LINGO2: variants seen among roughly 807,000 people sequenced by gnomAD.
The protein encoded by LINGO2 is leucine rich repeat and Ig domain containing 2, also known as leucine-rich repeat and immunoglobulin-like domain-containing nogo receptor-interacting protein 2.
LINGO2 carries 14 observed loss-of-function variants against 30.6 expected under a neutral mutation model. The observed-to-expected ratio is 0.46, with a 90% CI of 0.30 to 0.72. The LOEUF (loss-of-function observed/expected upper bound fraction) is 0.72. Among genes scored for constraint, LINGO2 ranks in the 30% least tolerant of loss-of-function variants. LINGO2 has a pLI of 0.07. For synonymous variants in LINGO2, 317 were observed against 288.5 expected (o/e 1.10, Z -1.00); for missense variants, 729 against 751.7 (o/e 0.97, Z 0.35).
intron 4 of LINGO2, among the ~76,000 whole-genome samples, chr9:28,241,293 G>GAAA (rs1821784923): frequency 2.4e-4 from 12 of 49,040 alleles, no homozygotes; most frequent in Non-Finnish European, 3.7e-4. Flanking sequence ...AAAAAAAAAA[G>GAAA]AAAAAAGAAA....
chr9:28,547,158 G>A (rs375167417), intron 1 of LINGO2, among the ~76,000 whole-genome samples: 3 of 152,160 alleles, frequency 2.0e-5, no homozygotes, highest in South Asian at 4.1e-4. Context: ...CTGAAGTTAC[G>A]TTGTTTACCA....
chr9:28,027,037 C>A (rs1013698589), intron 4 of LINGO2, among the ~76,000 whole-genome samples: 1 of 152,098 alleles, frequency 6.6e-6, no homozygotes, highest in Non-Finnish European at 1.5e-5. Context: ...GGGGCAAGCA[C>A]CATGACATTC....
At chr9:29,061,346 C>T in the LINGO2 span, among the ~76,000 whole-genome samples, 1 of 151,926 alleles carries the variant, frequency 6.6e-6, no homozygotes, top group Non-Finnish European at 1.5e-5. Flanking sequence ...TATTCTAGGA[C>T]TCACATGAAA....
intron 4 of LINGO2, among the ~76,000 whole-genome samples, chr9:28,128,510 C>T (rs1827299699): frequency 6.6e-6 from 1 of 152,130 alleles, no homozygotes; most frequent in Non-Finnish European, 1.5e-5. Flanking sequence ...CGCATGATAC[C>T]ACATGGTTCT....
chr9:29,074,678 CTTTTTTTTTTTTT>C, the LINGO2 span, among the ~76,000 whole-genome samples: 2 of 88,006 alleles, frequency 2.3e-5, no homozygotes, highest in African/African-American at 5.3e-5. Flanking sequence ...AAATTACTTA[CTTTTTTTTTTTTT>C]TTTTTTTTTT....
At chr9:27,996,907 TA>T (rs1302979201) in intron 5 of LINGO2, among the ~76,000 whole-genome samples, 2 of 152,144 alleles carry the variant, frequency 1.3e-5, no homozygotes, top group Non-Finnish European at 2.9e-5. Context: ...GAATAAAAAT[TA>T]AAACACTTAA....
At chr9:28,333,273 A>G (rs929706137) in intron 3 of LINGO2, among the ~76,000 whole-genome samples, 1 of 152,212 alleles carries the variant, frequency 6.6e-6, no homozygotes, top group African/African-American at 2.4e-5. Flanking sequence ...ACTTGATTCA[A>G]TAAAAAATAT....
At chr9:28,544,759 A>G (rs1454613096) in intron 1 of LINGO2, among the ~76,000 whole-genome samples, 1 of 149,344 alleles carries the variant, frequency 6.7e-6, no homozygotes, top group Non-Finnish European at 1.5e-5. Context: ...ATATTATGTT[A>G]TATATTATAT....
the LINGO2 span, among the ~76,000 whole-genome samples, chr9:29,050,433 CA>C: frequency 2.0e-5 from 3 of 152,032 alleles, no homozygotes; most frequent in African/African-American, 7.2e-5. Context: ...AATAAAAAAG[CA>C]AAGATGCACA....
chr9:28,237,027 TGC>T (rs976305769), intron 4 of LINGO2, among the ~76,000 whole-genome samples: 1 of 141,304 alleles, frequency 7.1e-6, no homozygotes, highest in Non-Finnish European at 1.5e-5. Flanking sequence ...TACTATGTAC[TGC>T]AAAAATTAAA....
the LINGO2 span, chr9:27,940,455 G>C: frequency 7.9e-5 from 12 of 152,254 alleles, no homozygotes; most frequent in Non-Finnish European, 1.5e-4. Flanking sequence ...AGAAATAGTA[G>C]GTAAATTTCC....
the LINGO2 span, among the ~76,000 whole-genome samples, chr9:28,940,621 T>C: frequency 1.2e-4 from 19 of 152,150 alleles, no homozygotes; most frequent in Non-Finnish European, 2.1e-4. Flanking sequence ...CTACAGTGGC[T>C]AATAAAAATC....
At chr9:28,886,359 G>C in the LINGO2 span, among the ~76,000 whole-genome samples, 1 of 152,048 alleles carries the variant, frequency 6.6e-6, no homozygotes, top group Non-Finnish European at 1.5e-5. Context: ...AAGCTTTTAT[G>C]GAAGGTCTAA....
the LINGO2 span, among the ~76,000 whole-genome samples, chr9:28,708,022 T>A: frequency 6.6e-6 from 1 of 152,076 alleles, no homozygotes; most frequent in Non-Finnish European, 1.5e-5. Context: ...CCTAATAAAA[T>A]GTTCTCAGTG....
chr9:28,335,303 A>G (rs1156913172), intron 3 of LINGO2, among the ~76,000 whole-genome samples: 1 of 152,170 alleles, frequency 6.6e-6, no homozygotes, highest in African/African-American at 2.4e-5. Flanking sequence ...ATACATTGTC[A>G]TCTAAGAGAA....
chr9:28,345,288 T>G (rs551341055), intron 3 of LINGO2, among the ~76,000 whole-genome samples: 1 of 152,206 alleles, frequency 6.6e-6, no homozygotes, highest in East Asian at 1.9e-4. Context: ...TTCAAGTGGT[T>G]ACTAAGGGCC....
intron 4 of LINGO2, among the ~76,000 whole-genome samples, chr9:28,216,385 G>A (rs1393526352): frequency 6.6e-6 from 1 of 151,846 alleles, no homozygotes; most frequent in Non-Finnish European, 1.5e-5. Context: ...GGGAGGAGTG[G>A]TTGTTAGTAA....
rs560032402 is a variant in LINGO2 at position 28,439,293 on chromosome 9, C to CAT, written c.-279+36645_-279+36646dup. On this transcript the variant is annotated intron_variant, in intron 2 of 5. Transcript: ENST00000379992. ...TATATATGTGTGTGTGTGTGTGTTT[C>CAT]ATATATATATATAATGAAAATGCCC... Among the ~76,000 whole-genome samples the CAT allele has an allele frequency of 1.8e-3, 266 of 149,776 alleles. 4 individuals are homozygous for CAT. Among genetic ancestry groups the CAT allele is most frequent in the South Asian group, 0.011 (51 of 4,744 alleles).
intron 4 of LINGO2, among the ~76,000 whole-genome samples, chr9:28,215,533 C>T (rs574575598): frequency 6.6e-6 from 1 of 151,744 alleles, no homozygotes; most frequent in East Asian, 1.9e-4. Flanking sequence ...ATTTTTTGAG[C>T]TGGAAGAGCA....
Sources: allele counts gnomAD v4.1 joint callset (sites outside exome capture counted in the v4.1 genomes callset), GRCh38; gene constraint gnomAD v4.1.1; transcripts MANE v1.5; gene names NCBI Gene and HGNC (gene_info 2026-07-23, HGNC 2026-07-21).